Variants in DMD observed in about 807,000 individuals in gnomAD.
The protein encoded by DMD is mutant dystrophin.
Under a neutral mutation model 330.1 loss-of-function variants are expected in DMD, and 63 were observed. The observed-to-expected ratio is 0.19, with a 90% confidence interval of 0.16 to 0.24. The LOEUF (loss-of-function observed/expected upper bound fraction) is 0.24. Ranked by LOEUF, DMD falls within the 10% of genes least tolerant of loss-of-function variation. DMD has a pLI of 1.00. For missense variants in DMD, 3,344 were observed against 2,684.1 expected, an observed-to-expected ratio of 1.25 and a Z score of -5.43; for synonymous variants, 1,223 against 959.8, an observed-to-expected ratio of 1.27 and a Z score of -5.07.
chrX:32,331,180 A>C (rs1437441910), intron 41 of DMD, among the ~76,000 whole-genome samples: 1 of 111,731 alleles, frequency 9.0e-6, no homozygotes, highest in Non-Finnish European at 1.9e-5. Flanking sequence ...AACATAACTG[A>C]TATCTGTAAT....
chrX:32,383,994 T>C (rs1488151080), intron 33 of DMD, among the ~76,000 whole-genome samples: 1 of 110,522 alleles, frequency 9.0e-6, no homozygotes, highest in Non-Finnish European at 1.9e-5. Flanking sequence ...CCAAAACATA[T>C]ATTTTCTTAA....
rs1269313044 is a variant in DMD at position 32,454,651 on chromosome X, T to TC, written c.3603+10_3603+11insG. ...CTTTGTTTTACTTAGTTTTTCTTTT[T>TC]TTTTTTTTACCTTCATCTCTTCAAC... On this transcript the variant is annotated intron_variant, in intron 26 of 78. Transcript: ENST00000357033. The TC allele has an allele frequency of 7.8e-6, 9 of 1,156,225 alleles. No homozygotes were observed. The East Asian group carries it at 9.0e-5, about 12-fold the overall frequency.
Position 32,217,671 on chromosome X carries a change from G to C in DMD, c.6291-608C>G, listed in dbSNP as rs1360989761. On this transcript the variant is annotated intron_variant, in intron 43 of 78. Coordinates refer to ENST00000357033, the MANE Select transcript of DMD (RefSeq NM_004006.3). ...TTCTCACCACAGAGAAATTATAAAT[G>C]TTTGAGGCTATGGATCTGCCAAGAA... Among the ~76,000 whole-genome samples the C allele has an allele frequency of 3.3e-3, 362 of 110,468 alleles. 3 individuals carry two copies. Among genetic ancestry groups the C allele is most frequent in the African/African-American group, 0.012 (352 of 30,045 alleles).
At chrX:32,319,041 A>T (rs1339069008) in intron 41 of DMD, among the ~76,000 whole-genome samples, 1 of 111,907 alleles carries the variant, frequency 8.9e-6, no homozygotes, top group Non-Finnish European at 1.9e-5. Flanking sequence ...TGATAAACTG[A>T]ATCTGGAAAA....
intron 9 of DMD, among the ~76,000 whole-genome samples, chrX:32,676,501 G>T (rs2061980031): frequency 9.0e-6 from 1 of 111,360 alleles, no homozygotes; most frequent in Admixed American, 9.6e-5. Flanking sequence ...CCATTTTGGG[G>T]CAATGAATTC....
At chrX:32,646,509 T>A (rs2059793958) in intron 9 of DMD, among the ~76,000 whole-genome samples, 1 of 110,962 alleles carries the variant, frequency 9.0e-6, no homozygotes, top group Non-Finnish European at 1.9e-5. Flanking sequence ...CAAACAGGGT[T>A]TTGTAAAGGA....
chrX:32,438,519 G>C, intron 28 of DMD, 129 bp from the exon 29 acceptor site: 1 of 820,746 alleles, frequency 1.2e-6, no homozygotes. Context: ...AATTTTAATT[G>C]GGATTAAAAA....
intron 9 of DMD, among the ~76,000 whole-genome samples, chrX:32,653,722 G>A (rs929632265): frequency 2.3e-4 from 26 of 111,520 alleles, no homozygotes; most frequent in African/African-American, 8.5e-4. Context: ...GATGGGGATG[G>A]CATTGAATCT....
At chrX:33,130,559 A>AAAT (rs2095493041) in intron 1 of DMD, among the ~76,000 whole-genome samples, 2 of 103,865 alleles carry the variant, frequency 1.9e-5, no homozygotes, top group African/African-American at 3.7e-5. Context: ...TATATATATA[A>AAAT]ATATATATAT....
intron 1 of DMD, among the ~76,000 whole-genome samples, chrX:33,029,294 A>T (rs1956401045): frequency 8.9e-6 from 1 of 112,131 alleles, no homozygotes; most frequent in South Asian, 3.7e-4. Context: ...TCATCACTAC[A>T]ATGAATAAAA....
At chrX:31,508,269 T>A in intron 55 of DMD, 1 of 1,201,604 alleles carries the variant, frequency 8.3e-7, no homozygotes, top group African/African-American at 1.7e-5. Context: ...ACAGCACTGA[T>A]CCTGTTGCAT....
rs55970288 is a variant in DMD, at chrX:33,139,823, A to G, written c.31+71459T>C. 5.4e-3 allele frequency among the ~76,000 whole-genome samples: 529 copies of G among 98,469 alleles called. 1 individual carries two copies. The highest frequency in any genetic ancestry group is 0.021 in the African/African-American group (508 of 24,547). 85.5% of individuals were successfully genotyped at this position (98,469 alleles called of 115,157 possible). On this transcript the variant is annotated intron_variant, in intron 1 of 78. Transcript: ENST00000357033. ...CTTTAAAAATTACCTCATCTTGCGT[A>G]TTTCTTTATGGCAGTGTGAGAATTG...
intron 47 of DMD, among the ~76,000 whole-genome samples, chrX:31,922,985 T>C (rs17308926): frequency 0.14 from 15,074 of 111,094 alleles, 936 homozygotes; most frequent in Non-Finnish European, 0.18. Flanking sequence ...TAATAGTTAT[T>C]GAGCACTGGA....
At chrX:32,453,576 C>T (rs2098342583) in intron 26 of DMD, among the ~76,000 whole-genome samples, 1 of 110,368 alleles carries the variant, frequency 9.1e-6, no homozygotes, top group South Asian at 3.8e-4. Context: ...CCATGTGGCC[C>T]TTTCACAATT....
chrX:31,896,073 T>A (rs900198821), intron 47 of DMD, among the ~76,000 whole-genome samples: 7 of 112,125 alleles, frequency 6.2e-5, no homozygotes, highest in Non-Finnish European at 1.9e-5. Flanking sequence ...TGGGTGATCC[T>A]TAGCATCAGG....
rs148641583 is a variant in DMD at position 32,882,901 on chromosome X, C to T, written c.94-33081G>A. The stretch of plus-strand genomic sequence containing the variant: ...AAGTTTAGGAAGACATTGAGCTAAA[C>T]TCAAAGAGCAAAAAGCCAGAGTGTA... On this transcript the variant is annotated intron_variant, in intron 2 of 78. Transcript: ENST00000357033. Among the ~76,000 whole-genome samples, 405 of 112,466 alleles carry T rather than the reference C, an allele frequency of 3.6e-3. 7 individuals carry two copies. The East Asian group carries it at 0.065, about 18-fold the overall frequency.
chrX:31,976,071 G>A (rs1169924246), intron 44 of DMD, among the ~76,000 whole-genome samples: 1 of 110,534 alleles, frequency 9.0e-6, no homozygotes, highest in Admixed American at 9.8e-5. Flanking sequence ...GAGGATGAAT[G>A]GATTGGAGGA....
intron 60 of DMD, among the ~76,000 whole-genome samples, chrX:31,354,393 C>T (rs1268033191): frequency 1.4e-4 from 16 of 110,451 alleles, no homozygotes; most frequent in African/African-American, 4.6e-4. Flanking sequence ...TCTTTTCTTC[C>T]TTCCTCCTTT....
intron 30 of DMD, among the ~76,000 whole-genome samples, chrX:32,401,759 A>T (rs747695887): frequency 1.8e-5 from 2 of 112,921 alleles, no homozygotes; most frequent in African/African-American, 6.4e-5. Context: ...TTAAGGTGAT[A>T]GACACCCCAT....
Sources: gnomAD v4.1 joint callset for allele counts (sites outside exome capture counted in the v4.1 genomes callset) on GRCh38, gnomAD v4.1.1 for gene constraint, MANE v1.5 for transcripts, NCBI Gene and HGNC (gene_info 2026-07-23, HGNC 2026-07-21) for gene names.